Variants in PANK3 observed in about 807,000 individuals in gnomAD.
PANK3 encodes the protein pantothenate kinase 3.
Under a neutral mutation model 39.4 loss-of-function variants are expected in PANK3, and 20 were observed. That is an observed-to-expected ratio of 0.51 (90% CI 0.36 to 0.74). The LOEUF (loss-of-function observed/expected upper bound fraction) is 0.74. Ranked by LOEUF, PANK3 falls within the 30% of genes least tolerant of loss-of-function variation. The pLI is 0.00. For synonymous variants in PANK3, 140 were observed against 157.3 expected (o/e 0.89, Z 0.82); for missense variants, 265 against 437.0 (o/e 0.61, Z 3.51).
Position 168,552,607 on chromosome 5 carries a change from C to T in PANK3, c.*4964G>A, listed in dbSNP as rs17634108. On this transcript the variant is annotated 3_prime_UTR_variant, in exon 7 of 7. Coordinates refer to ENST00000239231, the MANE Select transcript of PANK3 (RefSeq NM_024594.4). Reference sequence around the variant, plus strand: ...CAGGGAACGGAGTCTGGTCCAACTTCAGAGAAGGCCACAAAGACCAAGATA... The same window carrying T: ...CAGGGAACGGAGTCTGGTCCAACTTTAGAGAAGGCCACAAAGACCAAGATA... 30,524 of 216,654 alleles carry T rather than the reference C, an allele frequency of 0.14. 2,783 individuals are homozygous for T. Among genetic ancestry groups the T allele is most frequent in the Non-Finnish European group, 0.19 (17,625 of 93,014 alleles). 13.4% of individuals were successfully genotyped at this position (216,654 alleles called of 1,614,324 possible).
intron 6 of PANK3, among the ~76,000 whole-genome samples, chr5:168,558,288 G>T (rs1759385264): frequency 6.6e-6 from 1 of 151,628 alleles, no homozygotes; most frequent in Admixed American, 6.6e-5. Context: ...AGCCTCCCGA[G>T]TCGCTGGGAT....
chr5:168,548,698 G>A lies in PANK3; in HGVS notation c.*8873C>T, dbSNP rs1399660131. 1.3e-5 allele frequency: 2 copies of A among 152,006 alleles called. No individual in the cohort carries two copies. Among genetic ancestry groups the A allele is most frequent in the Non-Finnish European group, 2.9e-5 (2 of 68,012 alleles). 9.4% of individuals were successfully genotyped at this position (152,006 alleles called of 1,614,324 possible). ...AAATAAGCATTAAGGAAAAGAATACGGGAATGTTTACAGAATGCGCCATGG... is the reference window on the plus strand; with the variant it reads ...AAATAAGCATTAAGGAAAAGAATACAGGAATGTTTACAGAATGCGCCATGG... On this transcript the variant is annotated 3_prime_UTR_variant, in exon 7 of 7. Coordinates refer to ENST00000239231, the MANE Select transcript of PANK3 (RefSeq NM_024594.4).
Position 168,557,960 on chromosome 5 carries a change from T to C in PANK3, c.1063-339A>G, listed in dbSNP as rs559085920. ...TAGGCTCACACTGAAATACGTATTC[T>C]AAAAGTGTGGCCTTTAGACACTAAA... On this transcript the variant is annotated intron_variant, in intron 6 of 6. Transcript: ENST00000239231. Among the ~76,000 whole-genome samples, 7 of 152,262 alleles carry C rather than the reference T, an allele frequency of 4.6e-5. No individual in the cohort carries two copies. The South Asian group carries it at 1.2e-3, about 27-fold the overall frequency.
At chr5:168,578,461 G>C (rs749639460) in intron 1 of PANK3, among the ~76,000 whole-genome samples, 1 of 152,162 alleles carries the variant, frequency 6.6e-6, no homozygotes. Context: ...CTTCTGGGAG[G>C]CTATACTTAA....
chr5:168,569,933 T>A (rs951511702), intron 1 of PANK3, among the ~76,000 whole-genome samples: 2 of 152,018 alleles, frequency 1.3e-5, no homozygotes, highest in Admixed American at 6.6e-5. Flanking sequence ...GCACCTGTAG[T>A]CCCAGTTACA....
chr5:168,558,251 C>T (rs1386112534), intron 6 of PANK3, among the ~76,000 whole-genome samples: 2 of 151,484 alleles, frequency 1.3e-5, no homozygotes, highest in African/African-American at 2.4e-5. Flanking sequence ...GCTCCGCCCC[C>T]TGGGGTTCAC....
At position 168,579,301 on chromosome 5, in the gene PANK3, C is replaced by T; in HGVS notation, c.-18G>A. Reference sequence around the variant, plus strand: ...ATCTTCATGGCGTCGGCCCGAGGGGCGATGGACGGCCTCCGATCCGGGGCA... The same window carrying T: ...ATCTTCATGGCGTCGGCCCGAGGGGTGATGGACGGCCTCCGATCCGGGGCA... On this transcript the variant is annotated 5_prime_UTR_variant, in exon 1 of 7. Coordinates refer to ENST00000239231, the MANE Select transcript of PANK3 (RefSeq NM_024594.4). 3.4e-6 allele frequency: 5 copies of T among 1,474,408 alleles called. No homozygotes were observed. Among genetic ancestry groups the T allele is most frequent in the Non-Finnish European group, 4.5e-6 (5 of 1,107,722 alleles). The allele number at this position is 1,474,408 out of a possible 1,614,324, so 91.3% of individuals were successfully genotyped here.
At position 168,568,785 on chromosome 5, in the gene PANK3, T is replaced by C. The variant is rs1407770444; in HGVS notation, c.242A>G (p.Asn81Ser). ...KDLTLFGRRG[N>S]LHFIRFPTQD... The stretch of plus-strand genomic sequence containing the variant: ...GGTTGGAAACCTGATAAAGTGCAAG[T>C]TCCCTCTTCGGCCAAAAAGTGTTAA... Residue 81 changes from asparagine (N) to serine (S), a missense_variant, in exon 2 of 7, where the codon AAC becomes AGC. Asn to Ser is a conservative substitution (Grantham distance 46). Around this residue, in one of 3 missense-constraint regions of PANK3, gnomAD observed 154 missense variants for 256.8 expected, o/e 0.60. Coordinates refer to ENST00000239231, the MANE Select transcript of PANK3 (RefSeq NM_024594.4). 2 of 1,613,942 alleles carry C rather than the reference T, an allele frequency of 1.2e-6. No individual in the cohort carries two copies. Among genetic ancestry groups the C allele is most frequent in the Non-Finnish European group, 1.7e-6 (2 of 1,180,004 alleles).
In PANK3 at chr5:168,566,180, T is replaced by C; in HGVS notation, c.468A>G (p.Gly156=). Residue 156 remains glycine (G), a synonymous_variant, in exon 3 of 7, where the codon GGA becomes GGG. Coordinates refer to ENST00000239231, the MANE Select transcript of PANK3 (RefSeq NM_024594.4). ...LLYIDSVSFN[G]QAECYYFANA... is the part of the protein sequence containing the mutation. ...TAGCAAAATAATAGCACTCGGCTTG[T>C]CCATTGAAACTGACAGAGTCTATAT... is the stretch of plus-strand genomic sequence containing the variant. The C allele has an allele frequency of 2.5e-6, 4 of 1,614,008 alleles. No homozygotes were observed. Among genetic ancestry groups the C allele is most frequent in the South Asian group, 1.1e-5 (1 of 91,070 alleles).
chr5:168,576,062 C>T (rs532120367), intron 1 of PANK3, among the ~76,000 whole-genome samples: 2 of 152,256 alleles, frequency 1.3e-5, no homozygotes, highest in East Asian at 1.9e-4. Flanking sequence ...TCTTCAGACC[C>T]TCAGTACTGA....
chr5:168,561,384 T>G lies in PANK3; in HGVS notation c.936+9A>C, dbSNP rs1459280383. The G allele has an allele frequency of 1.9e-6, 3 of 1,564,094 alleles. No individual in the cohort carries two copies. The highest frequency in any genetic ancestry group is 2.4e-5 in the South Asian group (2 of 83,526). ...GATAATTCAAGTTTTGTGTTTTTTG[T>G]TTTTTTACCTCATTAACAGCACACA... is the stretch of plus-strand genomic sequence containing the variant. On this transcript the variant is annotated intron_variant, in intron 5 of 6. Coordinates refer to ENST00000239231, the MANE Select transcript of PANK3 (RefSeq NM_024594.4).
In PANK3 at chr5:168,561,346, A is replaced by C. The variant is rs369890694; in HGVS notation, c.936+47T>G. On this transcript the variant is annotated intron_variant, in intron 5 of 6. Coordinates refer to ENST00000239231, the MANE Select transcript of PANK3 (RefSeq NM_024594.4). ...CCCTGCTAGGTGTATATAGGACTCCAATTCACATTTTTGATAATTCAAGTT... is the reference window on the plus strand; with the variant it reads ...CCCTGCTAGGTGTATATAGGACTCCCATTCACATTTTTGATAATTCAAGTT... The C allele has an allele frequency of 3.9e-6, 6 of 1,523,424 alleles. No homozygotes were observed. The African/African-American group carries it at 8.3e-5, about 21-fold the overall frequency. 94.4% of individuals were successfully genotyped at this position (1,523,424 alleles called of 1,614,324 possible).
intron 3 of PANK3, 46 bp from the exon 4 acceptor site, chr5:168,564,111 TTC>T (rs1561840740): frequency 5.4e-6 from 8 of 1,471,612 alleles, no homozygotes; most frequent in Non-Finnish European, 7.3e-6. Context: ...ATACATTATA[TTC>T]TTTCTCTAAA....
intron 4 of PANK3, 66 bp from the exon 5 acceptor site, chr5:168,561,582 TA>T: frequency 1.5e-6 from 2 of 1,345,192 alleles, no homozygotes; most frequent in Non-Finnish European, 2.0e-6. Flanking sequence ...TATTAACAGA[TA>T]TATCTACAAC....
rs200387183 is a variant in PANK3, at chr5:168,568,171, G to GA, written c.381+474dup. 1.3e-3 allele frequency among the ~76,000 whole-genome samples: 198 copies of GA among 150,976 alleles called. 4 individuals carry two copies. The highest frequency in any genetic ancestry group is 5.8e-3 in the South Asian group (28 of 4,794). On this transcript the variant is annotated intron_variant, in intron 2 of 6. Transcript: ENST00000239231. ...TGGCAGGATTAACAGCATAAAAACA[G>GA]AAAAAAAAGGGTAACAGATTTTCAT...
rs988532972 is a variant in PANK3 at position 168,549,416 on chromosome 5, A to G, written c.*8155T>C. On this transcript the variant is annotated 3_prime_UTR_variant, in exon 7 of 7. Transcript: ENST00000239231. ...AAATTATTTTACATTATTTATGTAT[A>G]CTTTACAAATAACACAAATATGGAA... 5.3e-5 allele frequency: 8 copies of G among 152,240 alleles called. No individual in the cohort carries two copies. The highest frequency in any genetic ancestry group is 1.9e-4 in the African/African-American group (8 of 41,466). 9.4% of individuals were successfully genotyped at this position (152,240 alleles called of 1,614,324 possible). A position where few individuals can be genotyped will look rare whatever the true frequency, so the allele number is the denominator to read the frequency against.
At chr5:168,566,862 C>T (rs927165078) in intron 2 of PANK3, among the ~76,000 whole-genome samples, 9 of 152,124 alleles carry the variant, frequency 5.9e-5, no homozygotes, top group African/African-American at 1.7e-4. Context: ...TCCGCCTCAG[C>T]CTCTCAAGTA....
chr5:168,561,068 TA>T (rs1186625122), intron 5 of PANK3: 92 of 244,840 alleles, frequency 3.8e-4, no homozygotes, highest in South Asian at 1.1e-3. Flanking sequence ...AAATTAAGAC[TA>T]AAAAAAATGC....
intron 1 of PANK3, among the ~76,000 whole-genome samples, chr5:168,574,673 C>T (rs1019605062): frequency 1.3e-5 from 2 of 152,068 alleles, no homozygotes; most frequent in Non-Finnish European, 2.9e-5. Context: ...CAAGCCTGGG[C>T]AACATGGTGA....
Sources: gnomAD v4.1 joint callset for allele counts (sites outside exome capture counted in the v4.1 genomes callset) on GRCh38, gnomAD v4.1.1 for gene constraint, gnomAD v4.1.1 regional missense constraint, MANE v1.5 for transcripts, NCBI Gene and HGNC (gene_info 2026-07-23, HGNC 2026-07-21) for gene names.